The following RTN1 variants were observed in gnomAD, a reference collection of about 807,000 sequenced individuals.
The protein encoded by RTN1 is reticulon-1.
RTN1 carries 25 observed loss-of-function variants against 65.5 expected under a neutral mutation model. The ratio of observed to expected loss-of-function variants is 0.38; its 90% CI spans 0.28 to 0.53. The LOEUF is 0.53. Ranked by LOEUF, RTN1 falls within the 20% of genes least tolerant of loss-of-function variation. The pLI is 0.79. For synonymous variants in RTN1, 471 were observed against 447.6 expected (o/e 1.05, Z -0.66); for missense variants, 983 against 1,025.4 (o/e 0.96, Z 0.57).
rs74348536 is a variant in RTN1 at position 59,818,937 on chromosome 14, G to A, written c.241+51453C>T. Among the ~76,000 whole-genome samples, 458 of 152,302 alleles carry A rather than the reference G, an allele frequency of 3.0e-3. 12 individuals carry two copies. In the East Asian group the frequency reaches 0.051, roughly 17 times the overall value. On this transcript the variant is annotated intron_variant, in intron 1 of 8. Coordinates refer to ENST00000267484, the MANE Select transcript of RTN1 (RefSeq NM_021136.3). The stretch of plus-strand genomic sequence containing the variant: ...CAACAATGAAGACGCGGACCTTCGC[G>A]GTGAGTGTTAAAGCTCTTAAAGGCA...
chr14:59,708,482 A>G (rs937499245), intron 3 of RTN1, among the ~76,000 whole-genome samples: 1 of 152,162 alleles, frequency 6.6e-6, no homozygotes, highest in Non-Finnish European at 1.5e-5. Flanking sequence ...TTTCTCTCTT[A>G]ACTCACACGG....
intron 1 of RTN1, among the ~76,000 whole-genome samples, chr14:59,823,047 A>G (rs555558223): frequency 6.6e-6 from 1 of 152,168 alleles, no homozygotes; most frequent in East Asian, 1.9e-4. Flanking sequence ...TTTAGGTCCC[A>G]AATATCTTTG....
chr14:59,848,214 A>G (rs2046642285), intron 1 of RTN1, among the ~76,000 whole-genome samples: 1 of 152,250 alleles, frequency 6.6e-6, no homozygotes, highest in Non-Finnish European at 1.5e-5. Context: ...ACCTGAATGT[A>G]GCATCCCCTT....
At chr14:59,830,509 C>T (rs771667245) in intron 1 of RTN1, among the ~76,000 whole-genome samples, 2 of 152,164 alleles carry the variant, frequency 1.3e-5, no homozygotes, top group African/African-American at 4.8e-5. Flanking sequence ...TGAGAAAGAA[C>T]CAGATGCCTA....
intron 3 of RTN1, among the ~76,000 whole-genome samples, chr14:59,711,289 A>G (rs548258799): frequency 3.9e-5 from 6 of 152,294 alleles, no homozygotes; most frequent in African/African-American, 1.2e-4. Context: ...TGCTTTGCCA[A>G]CTCAAGTCTT....
chr14:59,837,928 T>C (rs1459539604), intron 1 of RTN1, among the ~76,000 whole-genome samples: 19 of 152,034 alleles, frequency 1.2e-4, no homozygotes. Context: ...TTTGGGGGGT[T>C]TGGGGTCTTT....
intron 1 of RTN1, among the ~76,000 whole-genome samples, chr14:59,852,195 G>A (rs1169853753): frequency 6.6e-6 from 1 of 152,118 alleles, no homozygotes; most frequent in Non-Finnish European, 1.5e-5. Context: ...GGCACATAGG[G>A]GCTACAATCT....
At position 59,727,296 on chromosome 14, in the gene RTN1, T is replaced by C; in HGVS notation, c.1388A>G (p.Asp463Gly). The C allele has an allele frequency of 6.7e-7, 1 of 1,498,792 alleles. No individual in the cohort carries two copies. The allele number at this position is 1,498,792 out of a possible 1,614,324, so 92.8% of individuals were successfully genotyped here. The change falls in exon 3 of 9, where the codon GAC becomes GGC. Residue 463 changes from aspartate (D) to glycine (G), a missense_variant. Asp to Gly is a moderately conservative substitution (Grantham distance 94). This residue lies in a region of RTN1 where 818 missense variants were observed against 801.8 expected (regional missense o/e 1.02). Transcript: ENST00000267484. This position sits in a 1 kb window ranked among gnomAD's most constrained non-coding sequence, Gnocchi z 4.2. ...GCACGACTCGATGATGAGCTCGCTG[T>C]CCAGCTCGGCCTCGCGCTCCTCCCT... ...ILREEREAEL[D>G]SELIIESCDA...
rs1566658026 is a variant in RTN1 at position 59,606,102 on chromosome 14, T to TTATA, written c.1974-597_1974-596insTATA. ...ATTTAATTCTTGGGTGGGAAAAACA[T>TTATA]GATATATATATATATATATATATAT... On this transcript the variant is annotated intron_variant, in intron 4 of 8. Coordinates refer to ENST00000267484, the MANE Select transcript of RTN1 (RefSeq NM_021136.3). The TTATA allele has an allele frequency of 6.3e-3, 327 of 51,708 alleles. 8 individuals are homozygous for TTATA. The highest frequency in any genetic ancestry group is 0.035 in the African/African-American group (306 of 8,808). 3.2% of individuals were successfully genotyped at this position (51,708 alleles called of 1,614,324 possible).
Position 59,642,603 on chromosome 14 carries a change from A to G in RTN1, c.1766-35111T>C, listed in dbSNP as rs573092110. Among the ~76,000 whole-genome samples, 3 of 152,332 alleles carry G rather than the reference A, an allele frequency of 2.0e-5. No individual in the cohort carries two copies. In the South Asian group the frequency reaches 6.2e-4, roughly 32 times the overall value. ...TTCTGTGTTCAAAGTCTTATTAAAC[A>G]TAGTCAATTAAGTCATAATTTCAGA... On this transcript the variant is annotated intron_variant, in intron 3 of 8. Transcript: ENST00000267484.
chr14:59,832,605 C>T (rs1218043618), intron 1 of RTN1, among the ~76,000 whole-genome samples: 3 of 152,148 alleles, frequency 2.0e-5, no homozygotes, highest in African/African-American at 4.8e-5. Flanking sequence ...GAGGACATTC[C>T]CCAGAATACA....
intron 3 of RTN1, among the ~76,000 whole-genome samples, chr14:59,635,547 A>C (rs533128962): frequency 6.6e-6 from 1 of 152,364 alleles, no homozygotes; most frequent in African/African-American, 2.4e-5. Context: ...TGGGAAGAGT[A>C]AAAGCATTCT....
At chr14:59,810,654 G>T (rs760730460) in intron 1 of RTN1, among the ~76,000 whole-genome samples, 2 of 152,170 alleles carry the variant, frequency 1.3e-5, no homozygotes, top group Non-Finnish European at 2.9e-5. Flanking sequence ...TATGCTTAGG[G>T]TGTATGGGAA....
At chr14:59,830,194 G>A (rs560893477) in intron 1 of RTN1, among the ~76,000 whole-genome samples, 122 of 152,306 alleles carry the variant, frequency 8.0e-4, no homozygotes, top group African/African-American at 2.7e-3. Context: ...AATCATTGTG[G>A]ATAATGCTGG....
intron 1 of RTN1, among the ~76,000 whole-genome samples, chr14:59,811,122 G>C (rs1183582282): frequency 6.6e-6 from 1 of 152,172 alleles, no homozygotes; most frequent in African/African-American, 2.4e-5. Context: ...ATTCCCAGGG[G>C]AAGGGTGAAC....
chr14:59,756,265 T>C (rs1162442282), intron 1 of RTN1, among the ~76,000 whole-genome samples: 1 of 152,228 alleles, frequency 6.6e-6, no homozygotes, highest in Non-Finnish European at 1.5e-5. Flanking sequence ...TGTGGTTCTG[T>C]GGTCTTCTTT....
Position 59,868,019 on chromosome 14 carries a change from G to A in RTN1, c.241+2371C>T, listed in dbSNP as rs138514107. 6.6e-6 allele frequency among the ~76,000 whole-genome samples: 1 copy of A among 152,308 alleles called. No homozygotes were observed. Among genetic ancestry groups the A allele is most frequent in the African/African-American group, 2.4e-5 (1 of 41,566 alleles). On this transcript the variant is annotated intron_variant, in intron 1 of 8. Coordinates refer to ENST00000267484, the MANE Select transcript of RTN1 (RefSeq NM_021136.3). This position sits in a 1 kb window ranked among gnomAD's most constrained non-coding sequence, Gnocchi z 4.0. The stretch of plus-strand genomic sequence containing the variant: ...AAAAAAGTAAATTAAGAAATACAGT[G>A]TAAAGTAGTGTGCTTAATAGGCATC...
rs548858994 is a variant in RTN1, at chr14:59,706,142, A to G, written c.1765+20777T>C. On this transcript the variant is annotated intron_variant, in intron 3 of 8. Coordinates refer to ENST00000267484, the MANE Select transcript of RTN1 (RefSeq NM_021136.3). ...ACCACACCCGACAGACATTTCACCT[A>G]TTCTCTCAACTATTCTTCTTTACCT... 2.0e-5 allele frequency among the ~76,000 whole-genome samples: 3 copies of G among 152,266 alleles called. No individual in the cohort carries two copies. In the East Asian group the frequency reaches 5.8e-4, roughly 29 times the overall value.
At chr14:59,652,179 T>C (rs1414598500) in intron 3 of RTN1, among the ~76,000 whole-genome samples, 1 of 152,132 alleles carries the variant, frequency 6.6e-6, no homozygotes, top group African/African-American at 2.4e-5. Flanking sequence ...TTCAAAAAAA[T>C]AGCAGATGCT....
Sources: allele counts gnomAD v4.1 joint callset (sites outside exome capture counted in the v4.1 genomes callset), GRCh38; gene constraint gnomAD v4.1.1; regional missense constraint gnomAD v4.1.1; non-coding constraint Gnocchi (gnomAD v3.1); transcripts MANE v1.5; gene names NCBI Gene and HGNC (gene_info 2026-07-23, HGNC 2026-07-21).